The following RIPK2 variants were observed in gnomAD, a reference collection of about 807,000 sequenced individuals.
RIPK2 encodes receptor-interacting serine/threonine-protein kinase 2.
In RIPK2, 38 loss-of-function variants were observed where a neutral mutation model predicts 60.9. That is an observed-to-expected ratio of 0.62 (90% CI 0.48 to 0.82). The LOEUF (loss-of-function observed/expected upper bound fraction) is 0.82, where lower values mean the gene tolerates loss of function less well. Ranked by LOEUF, RIPK2 falls within the 40% of genes least tolerant of loss-of-function variation. RIPK2 has a pLI of 0.00. For missense variants in RIPK2, 518 were observed against 647.0 expected (o/e 0.80, Z 2.16); for synonymous variants, 225 against 223.4 (o/e 1.01, Z -0.06).
At chr8:89,784,203 A>AC (rs1377282115) in intron 8 of RIPK2, 64 bp downstream of exon 8, 8 of 1,096,850 alleles carry the variant, frequency 7.3e-6, no homozygotes, top group Non-Finnish European at 1.0e-5. Flanking sequence ...AATTTGAAAA[A>AC]ATCATTTGGT....
chr8:89,769,744 C>A, intron 3 of RIPK2, 28 bp from the exon 4 acceptor site: 1 of 1,470,406 alleles, frequency 6.8e-7, no homozygotes, highest in Non-Finnish European at 9.0e-7. Flanking sequence ...GAGGAAATTT[C>A]TTAATTATTT....
intron 4 of RIPK2, 75 bp downstream of exon 4, chr8:89,770,004 A>G: frequency 8.8e-7 from 1 of 1,131,438 alleles, no homozygotes; most frequent in Non-Finnish European, 1.2e-6. Flanking sequence ...TTTTGAAGCT[A>G]CATTTTAAAC....
At chr8:89,784,863 G>T (rs573012341) in intron 8 of RIPK2, among the ~76,000 whole-genome samples, 1 of 152,180 alleles carries the variant, frequency 6.6e-6, no homozygotes, top group African/African-American at 2.4e-5. Context: ...ACCTTAGGCC[G>T]CTTGCACTCA....
Position 89,777,498 on chromosome 8 carries a change from A to C in RIPK2, c.854-2577A>C, listed in dbSNP as rs181548812. On this transcript the variant is annotated intron_variant, in intron 6 of 10. Transcript: ENST00000220751. ...ACAATGCATTATTTTTCTAGTAATA[A>C]GAACTTAGAGTTTATTTTTAAACTG... Among the ~76,000 whole-genome samples, 534 of 152,310 alleles carry C rather than the reference A, an allele frequency of 3.5e-3. 3 individuals carry two copies. Among genetic ancestry groups the C allele is most frequent in the African/African-American group, 0.012 (511 of 41,580 alleles).
At chr8:89,781,005 A>G (rs1218442580) in intron 7 of RIPK2, among the ~76,000 whole-genome samples, 4 of 151,524 alleles carry the variant, frequency 2.6e-5, no homozygotes, top group Admixed American at 6.6e-5. Context: ...CATTAGGGCA[A>G]GTGCTAAACT....
chr8:89,772,399 C>T (rs1325330739), intron 5 of RIPK2, among the ~76,000 whole-genome samples: 1 of 152,038 alleles, frequency 6.6e-6, no homozygotes, highest in African/African-American at 2.4e-5. Context: ...AGGTTTCGCT[C>T]AGCTCTGCTT....
chr8:89,759,410 A>AAATAC, intron 1 of RIPK2: 1 of 456,232 alleles, frequency 2.2e-6, no homozygotes, highest in Non-Finnish European at 4.4e-6. Flanking sequence ...TCTAATGTGA[A>AAATAC]AATACGTCAT....
At chr8:89,785,002 A>G (rs1228943623) in intron 8 of RIPK2, among the ~76,000 whole-genome samples, 1 of 152,150 alleles carries the variant, frequency 6.6e-6, no homozygotes, top group African/African-American at 2.4e-5. Flanking sequence ...CACCACTTCT[A>G]GAATGGCACC....
At chr8:89,787,658 T>C (rs1268478532) in intron 9 of RIPK2, among the ~76,000 whole-genome samples, 1 of 152,232 alleles carries the variant, frequency 6.6e-6, no homozygotes, top group Non-Finnish European at 1.5e-5. Flanking sequence ...AGTCATATCA[T>C]CAAGAATTCT....
chr8:89,777,605 T>C (rs1809420472), intron 6 of RIPK2, among the ~76,000 whole-genome samples: 1 of 151,046 alleles, frequency 6.6e-6, no homozygotes, highest in Non-Finnish European at 1.5e-5. Context: ...GTGTTTAATT[T>C]ATCACATTTC....
chr8:89,779,521 T>C (rs558155619), intron 6 of RIPK2, among the ~76,000 whole-genome samples: 69 of 151,928 alleles, frequency 4.5e-4, no homozygotes, highest in African/African-American at 1.6e-3. Context: ...GGGGTTTCAC[T>C]GTGTTAGCCA....
At chr8:89,788,083 T>A (rs1184449289) in intron 9 of RIPK2, among the ~76,000 whole-genome samples, 1 of 152,226 alleles carries the variant, frequency 6.6e-6, no homozygotes, top group Non-Finnish European at 1.5e-5. Context: ...GGCTCACACC[T>A]GTAATCCCAG....
chr8:89,789,621 A>T (rs1809642779), intron 10 of RIPK2, 139 bp downstream of exon 10: 1 of 753,176 alleles, frequency 1.3e-6, no homozygotes, highest in African/African-American at 1.8e-5. Flanking sequence ...AGGAAAACAA[A>T]TCCCAGGAGA....
chr8:89,784,660 A>G (rs1386296557), intron 8 of RIPK2, among the ~76,000 whole-genome samples: 1 of 152,202 alleles, frequency 6.6e-6, no homozygotes, highest in Non-Finnish European at 1.5e-5. Context: ...CAAAAATCCA[A>G]AGCCCTCCAC....
chr8:89,788,067 TGCGGTG>T (rs1413873127), intron 9 of RIPK2, among the ~76,000 whole-genome samples: 1 of 152,096 alleles, frequency 6.6e-6, no homozygotes, highest in Non-Finnish European at 1.5e-5. Flanking sequence ...ACAGGCTGCA[TGCGGTG>T]GCTCACACCT....
In RIPK2 at chr8:89,762,954, A is replaced by G; in HGVS notation, c.299A>G (p.Asn100Ser). The change falls in exon 2 of 11, where the codon AAT becomes AGT. Residue 100 changes from asparagine (N) to serine (S), a missense_variant. Asn to Ser is a conservative substitution (Grantham distance 46, BLOSUM62 1). This residue lies in a region of RIPK2 where 448 missense variants were observed against 534.7 expected (regional missense o/e 0.84). Transcript: ENST00000220751. ...GGAATAGTTACTGAATACATGCCAA[A>G]TGGATCATTAAATGAACTCCTACAT... ...FLGIVTEYMP[N>S]GSLNELLHRK... is the part of the protein sequence containing the mutation. The G allele has an allele frequency of 6.6e-7, 1 of 1,514,726 alleles. No homozygotes were observed. Among genetic ancestry groups the G allele is most frequent in the African/African-American group, 1.4e-5 (1 of 72,644 alleles). 93.8% of individuals were successfully genotyped at this position (1,514,726 alleles called of 1,614,324 possible).
Position 89,770,981 on chromosome 8 carries a change from A to G in RIPK2, c.642-760A>G, listed in dbSNP as rs189793946. Among the ~76,000 whole-genome samples the G allele has an allele frequency of 5.7e-4, 86 of 151,946 alleles. No individual in the cohort carries two copies. The Middle Eastern group carries it at 0.017, about 30-fold the overall frequency. On this transcript the variant is annotated intron_variant, in intron 4 of 10. Coordinates refer to ENST00000220751, the MANE Select transcript of RIPK2 (RefSeq NM_003821.6). ...GTATTTATAGCTTCCTAAGGTAGAG[A>G]TCATGTTCTACCCAACAATTCTTAA...
chr8:89,784,139 GGTA>G lies in RIPK2; in HGVS notation c.1029+1_1029+3del, dbSNP rs1375978081. ...TACCTGTAAATCATGGTCCACAAGAGGTAAAAAAAAAAAAAAAAAAAAAAAGGT... is the reference window on the plus strand; with the variant it reads ...TACCTGTAAATCATGGTCCACAAGAGAAAAAAAAAAAAAAAAAAAAAAGGT... On this transcript the variant is annotated splice_donor_variant and splice_donor_region_variant and intron_variant, in intron 8 of 10. Coordinates refer to ENST00000220751, the MANE Select transcript of RIPK2 (RefSeq NM_003821.6). LOFTEE classifies it high-confidence loss of function. 3.5e-6 allele frequency: 2 copies of G among 567,086 alleles called. No individual in the cohort carries two copies. The highest frequency in any genetic ancestry group is 5.0e-6 in the Non-Finnish European group (2 of 397,352). The allele number at this position is 567,086 out of a possible 1,614,324, so 35.1% of individuals were successfully genotyped here.
In RIPK2 at chr8:89,784,118, T is replaced by C. The variant is rs1382138828; in HGVS notation, c.1008T>C (p.Pro336=). The C allele has an allele frequency of 1.4e-6, 2 of 1,388,824 alleles. No homozygotes were observed. The highest frequency in any genetic ancestry group is 1.7e-5 in the African/African-American group (1 of 58,498). The allele number at this position is 1,388,824 out of a possible 1,614,324, so 86.0% of individuals were successfully genotyped here. ...KKKMELSLNI[P]VNHGPQEESC... ...AAATGGAATTATCTCTGAACATACCTGTAAATCATGGTCCACAAGAGGTAA... is the reference window on the plus strand; with the variant it reads ...AAATGGAATTATCTCTGAACATACCCGTAAATCATGGTCCACAAGAGGTAA... The change falls in exon 8 of 11, where the codon CCT becomes CCC. Residue 336 remains proline (P), a synonymous_variant. Transcript: ENST00000220751.
Sources: allele counts gnomAD v4.1 joint callset (sites outside exome capture counted in the v4.1 genomes callset), GRCh38; gene constraint gnomAD v4.1.1; regional missense constraint gnomAD v4.1.1; transcripts MANE v1.5; gene names NCBI Gene and HGNC (gene_info 2026-07-23, HGNC 2026-07-21).